The following ADAMTS3 variants were observed in gnomAD, a reference collection of about 807,000 sequenced individuals.
The protein encoded by ADAMTS3 is A disintegrin and metalloproteinase with thrombospondin motifs 3.
Under a neutral mutation model 129.0 loss-of-function variants are expected in ADAMTS3, and 73 were observed. The ratio of observed to expected loss-of-function variants is 0.57; its 90% confidence interval spans 0.47 to 0.69. The LOEUF is 0.69. ADAMTS3 is among the 30% of genes least tolerant of loss of function. The probability of loss-of-function intolerance (pLI) is 0.00; values close to 1 mark genes in which losing one functional copy is unlikely to be tolerated. For missense variants in ADAMTS3, 1,457 were observed against 1,514.5 expected, an observed-to-expected ratio of 0.96 and a Z score of 0.63; for synonymous variants, 477 against 510.8, an observed-to-expected ratio of 0.93 and a Z score of 0.89.
intron 3 of ADAMTS3, among the ~76,000 whole-genome samples, chr4:72,547,937 AT>A (rs562614882): frequency 2.6e-4 from 40 of 152,290 alleles, no homozygotes; most frequent in African/African-American, 8.9e-4. Flanking sequence ...AAAATGAAGA[AT>A]TGAAGCCACC....
intron 4 of ADAMTS3, among the ~76,000 whole-genome samples, chr4:72,407,082 T>G (rs2109916386): frequency 6.6e-6 from 1 of 152,258 alleles, no homozygotes; most frequent in Non-Finnish European, 1.5e-5. Context: ...CCTGATTAAC[T>G]TAATACCTTC....
At chr4:72,502,342 G>A (rs1381675240) in intron 3 of ADAMTS3, among the ~76,000 whole-genome samples, 2 of 152,076 alleles carry the variant, frequency 1.3e-5, no homozygotes, top group Admixed American at 1.3e-4. Context: ...TTCAATCTTG[G>A]AAGGTTGCGT....
At chr4:72,315,503 G>A (rs1330513170) in intron 11 of ADAMTS3, among the ~76,000 whole-genome samples, 2 of 152,118 alleles carry the variant, frequency 1.3e-5, no homozygotes, top group East Asian at 1.9e-4. Flanking sequence ...GAAATGTGGG[G>A]TGGCCACCAG....
chr4:72,521,431 G>T lies in ADAMTS3; in HGVS notation c.504+27047C>A, dbSNP rs560390319. ...AAAATATTAATATCAGGGATCTTTTGAAATCAGTTTCAAAAGGTATTAAAA... is the reference window on the plus strand; with the variant it reads ...AAAATATTAATATCAGGGATCTTTTTAAATCAGTTTCAAAAGGTATTAAAA... On this transcript the variant is annotated intron_variant, in intron 3 of 21. Coordinates refer to ENST00000286657, the MANE Select transcript of ADAMTS3 (RefSeq NM_014243.3). 2.6e-5 allele frequency among the ~76,000 whole-genome samples: 4 copies of T among 152,196 alleles called. No individual in the cohort carries two copies. The South Asian group carries it at 6.2e-4, about 24-fold the overall frequency.
intron 4 of ADAMTS3, among the ~76,000 whole-genome samples, chr4:72,382,211 T>C (rs1721310894): frequency 6.6e-6 from 1 of 152,112 alleles, no homozygotes; most frequent in Non-Finnish European, 1.5e-5. Flanking sequence ...ACATAGTTAA[T>C]GATAAAATCA....
At chr4:72,381,367 C>G (rs1721284765) in intron 4 of ADAMTS3, among the ~76,000 whole-genome samples, 1 of 152,100 alleles carries the variant, frequency 6.6e-6, no homozygotes, top group African/African-American at 2.4e-5. Flanking sequence ...ACTTGATATT[C>G]CATTCTTACA....
At position 72,451,016 on chromosome 4, in the gene ADAMTS3, G is replaced by GA. The variant is rs1553915697; in HGVS notation, c.505-36046dup. 4.3e-5 allele frequency among the ~76,000 whole-genome samples: 6 copies of GA among 140,328 alleles called. 1 individual carries two copies. The highest frequency in any genetic ancestry group is 4.1e-4 in the Admixed American group (6 of 14,470). The allele number at this position is 140,328 out of a possible 152,430, so 92.1% of individuals were successfully genotyped here. On this transcript the variant is annotated intron_variant, in intron 3 of 21. Coordinates refer to ENST00000286657, the MANE Select transcript of ADAMTS3 (RefSeq NM_014243.3). Reference sequence around the variant, plus strand: ...GAAGAGAAGAGAAGAGAAGAGAAGAGAAATTTGCAACAGATAAGAATATCC... The same window carrying GA: ...GAAGAGAAGAGAAGAGAAGAGAAGAGAAAATTTGCAACAGATAAGAATATCC...
chr4:72,295,638 T>C lies in ADAMTS3; in HGVS notation c.2723+16A>G. On this transcript the variant is annotated intron_variant, in intron 19 of 21. Coordinates refer to ENST00000286657, the MANE Select transcript of ADAMTS3 (RefSeq NM_014243.3). ...GATTTTGACCTCCAGATATGATAGT[T>C]AAAATAGATGCTTACAGTGGATGTG... The C allele has an allele frequency of 6.2e-7, 1 of 1,601,110 alleles. No homozygotes were observed. The highest frequency in any genetic ancestry group is 2.2e-5 in the East Asian group (1 of 44,700).
Position 72,439,715 on chromosome 4 carries a change from A to G in ADAMTS3, c.505-24744T>C, listed in dbSNP as rs76105752. Among the ~76,000 whole-genome samples, 988 of 151,850 alleles carry G rather than the reference A, an allele frequency of 6.5e-3. 6 individuals carry two copies. Among genetic ancestry groups the G allele is most frequent in the African/African-American group, 0.023 (940 of 41,508 alleles). On this transcript the variant is annotated intron_variant, in intron 3 of 21. Coordinates refer to ENST00000286657, the MANE Select transcript of ADAMTS3 (RefSeq NM_014243.3). The stretch of plus-strand genomic sequence containing the variant: ...AACAGACATTCATTTCAAGCTCAAG[A>G]CATTTTTCTTGCCATCTTTCTCACA...
At chr4:72,451,900 C>A (rs1718416843) in intron 3 of ADAMTS3, among the ~76,000 whole-genome samples, 1 of 151,578 alleles carries the variant, frequency 6.6e-6, no homozygotes, top group Admixed American at 6.6e-5. Flanking sequence ...AGTTTAAGAG[C>A]AACCAAAGCA....
chr4:72,343,392 GA>G (rs1720190581), intron 4 of ADAMTS3, among the ~76,000 whole-genome samples: 1 of 152,032 alleles, frequency 6.6e-6, no homozygotes, highest in Non-Finnish European at 1.5e-5. Flanking sequence ...TTCTTTGTTA[GA>G]AAAGAAAATG....
intron 4 of ADAMTS3, among the ~76,000 whole-genome samples, chr4:72,355,641 C>A (rs1578609682): frequency 6.6e-6 from 1 of 152,116 alleles, no homozygotes; most frequent in East Asian, 1.9e-4. Flanking sequence ...CCCCATCCAT[C>A]ATGTGAGGAT....
At chr4:72,483,275 C>A (rs1482365144) in intron 3 of ADAMTS3, among the ~76,000 whole-genome samples, 1 of 152,126 alleles carries the variant, frequency 6.6e-6, no homozygotes, top group East Asian at 1.9e-4. Flanking sequence ...ACTAAAACTA[C>A]AAAGCCACAG....
In ADAMTS3 at chr4:72,508,270, C is replaced by T. The variant is rs372421761; in HGVS notation, c.504+40208G>A. Among the ~76,000 whole-genome samples, 260 of 152,274 alleles carry T rather than the reference C, an allele frequency of 1.7e-3. 2 individuals are homozygous for T. Among genetic ancestry groups the T allele is most frequent in the African/African-American group, 6.2e-3 (259 of 41,556 alleles). ...GTCTCAGTACCTCAGCAATGACTCACTCATAGCAATAGTTCTTTAGAGGCC... is the reference window on the plus strand; with the variant it reads ...GTCTCAGTACCTCAGCAATGACTCATTCATAGCAATAGTTCTTTAGAGGCC... On this transcript the variant is annotated intron_variant, in intron 3 of 21. Transcript: ENST00000286657.
intron 3 of ADAMTS3, among the ~76,000 whole-genome samples, chr4:72,519,281 C>T (rs1266693490): frequency 1.3e-4 from 20 of 152,194 alleles, no homozygotes; most frequent in Admixed American, 1.0e-3. Flanking sequence ...TTTTTTCCTT[C>T]ATTTCAACTT....
At chr4:72,491,990 A>G (rs1229920312) in intron 3 of ADAMTS3, among the ~76,000 whole-genome samples, 2 of 151,704 alleles carry the variant, frequency 1.3e-5, no homozygotes, top group African/African-American at 2.4e-5. Context: ...CAATTTTGGT[A>G]GTTTGAAAGT....
chr4:72,431,880 G>A (rs1002082140), intron 3 of ADAMTS3, among the ~76,000 whole-genome samples: 2 of 151,956 alleles, frequency 1.3e-5, no homozygotes, highest in Non-Finnish European at 2.9e-5. Flanking sequence ...AGTAGCAGTA[G>A]TGAAATAGCA....
intron 5 of ADAMTS3, 48 bp downstream of exon 5, chr4:72,339,446 G>A (rs1426599128): frequency 6.3e-7 from 1 of 1,581,832 alleles, no homozygotes; most frequent in South Asian, 1.1e-5. Flanking sequence ...ACAAATAAGA[G>A]AAGTGAATTA....
chr4:72,497,971 G>A (rs1328476310), intron 3 of ADAMTS3, among the ~76,000 whole-genome samples: 1 of 151,970 alleles, frequency 6.6e-6, no homozygotes, highest in Non-Finnish European at 1.5e-5. Flanking sequence ...AAAGGCTATG[G>A]CAATTTGTAA....
Sources: allele counts gnomAD v4.1 joint callset (sites outside exome capture counted in the v4.1 genomes callset), GRCh38; gene constraint gnomAD v4.1.1; transcripts MANE v1.5; gene names NCBI Gene and HGNC (gene_info 2026-07-23, HGNC 2026-07-21).